The following KCNG3 variants were observed in gnomAD, a reference collection of about 807,000 sequenced individuals.
KCNG3 encodes voltage-gated potassium channel regulatory subunit KCNG3.
A neutral mutation model predicts 29.0 loss-of-function variants in KCNG3; 15 were observed. The observed-to-expected ratio is 0.52, with a 90% CI of 0.35 to 0.80. The LOEUF (loss-of-function observed/expected upper bound fraction) is 0.80, where lower values mean the gene tolerates loss of function less well. Ranked by LOEUF, KCNG3 falls within the 30% of genes least tolerant of loss-of-function variation. The pLI is 0.01. For missense variants in KCNG3, 512 were observed against 605.7 expected (o/e 0.85, Z 1.62); for synonymous variants, 322 against 248.9 (o/e 1.29, Z -2.76).
At chr2:42,490,523 C>G (rs1011264861) in intron 1 of KCNG3, among the ~76,000 whole-genome samples, 2 of 152,214 alleles carry the variant, frequency 1.3e-5, no homozygotes, top group East Asian at 1.9e-4. Flanking sequence ...CCTCCACCAC[C>G]CTGAAGGCCT....
chr2:42,396,378 T>C, the KCNG3 span, among the ~76,000 whole-genome samples: 1 of 152,212 alleles, frequency 6.6e-6, no homozygotes, highest in Non-Finnish European at 1.5e-5. Context: ...TTTCTTAATC[T>C]AGGTGTGGGG....
chr2:42,435,246 T>C, the KCNG3 span, among the ~76,000 whole-genome samples: 1,412 of 152,268 alleles, frequency 9.3e-3, 24 homozygotes, highest in African/African-American at 0.032. Flanking sequence ...GAGGTTGCAG[T>C]GAGCCGAGAT....
At chr2:42,418,471 G>C in the KCNG3 span, among the ~76,000 whole-genome samples, 2 of 152,130 alleles carry the variant, frequency 1.3e-5, no homozygotes, top group African/African-American at 2.4e-5. Context: ...GTGGATGCCT[G>C]TTGAGTTCAA....
intron 1 of KCNG3, among the ~76,000 whole-genome samples, chr2:42,474,200 G>A (rs760808867): frequency 6.6e-6 from 1 of 151,430 alleles, no homozygotes; most frequent in Non-Finnish European, 1.5e-5. Flanking sequence ...CTTGCTCTGG[G>A]CGACAGAGCA....
chr2:42,469,413 T>C (rs1438715660), intron 1 of KCNG3, among the ~76,000 whole-genome samples: 8 of 133,172 alleles, frequency 6.0e-5, no homozygotes, highest in African/African-American at 2.4e-4. Flanking sequence ...CAAGACTCTG[T>C]CTCAAAAAAA....
At chr2:42,469,742 T>C (rs1673238513) in intron 1 of KCNG3, 1 of 156,646 alleles carries the variant, frequency 6.4e-6, no homozygotes, top group African/African-American at 2.4e-5. Flanking sequence ...ATCACACTAA[T>C]CATAAAGAAA....
intron 1 of KCNG3, among the ~76,000 whole-genome samples, chr2:42,449,514 C>CT (rs36088470): frequency 0.012 from 1,169 of 99,424 alleles, 9 homozygotes; most frequent in African/African-American, 0.015. Flanking sequence ...ACTGAGATTT[C>CT]TTTTTTTTTT....
At chr2:42,474,645 C>T (rs1414119410) in intron 1 of KCNG3, among the ~76,000 whole-genome samples, 1 of 152,018 alleles carries the variant, frequency 6.6e-6, no homozygotes, top group African/African-American at 2.4e-5. Flanking sequence ...ATTTACATTG[C>T]TACTTCTTCT....
chr2:42,395,026 T>C, the KCNG3 span, among the ~76,000 whole-genome samples: 1 of 152,190 alleles, frequency 6.6e-6, no homozygotes. Context: ...GGACAAATCT[T>C]TCTCAACCAA....
At chr2:42,451,630 T>C (rs1195573841) in intron 1 of KCNG3, among the ~76,000 whole-genome samples, 3 of 151,732 alleles carry the variant, frequency 2.0e-5, no homozygotes, top group Non-Finnish European at 4.4e-5. Flanking sequence ...GAGGCTGAAA[T>C]AGGAGAATCT....
In KCNG3 at chr2:42,443,730, A is replaced by T. The variant is rs1672537593; in HGVS notation, c.*204T>A. On this transcript the variant is annotated 3_prime_UTR_variant, in exon 2 of 2. Transcript: ENST00000306078. ...ACCGGGTCCTAAAGTTTACTCTAGG[A>T]GTCATTATTCTTCCTTTGCAGTCTC... is the stretch of plus-strand genomic sequence containing the variant. 1 of 500,380 alleles carries T rather than the reference A, an allele frequency of 2.0e-6. No homozygotes were observed. The highest frequency in any genetic ancestry group is 3.7e-5 in the Admixed American group (1 of 27,054). 31.0% of individuals were successfully genotyped at this position (500,380 alleles called of 1,614,324 possible). A position where few individuals can be genotyped will look rare whatever the true frequency, so the allele number is the denominator to read the frequency against.
At position 42,493,512 on chromosome 2, in the gene KCNG3, C is replaced by T. The variant is rs1673971694; in HGVS notation, c.-11G>A. The T allele has an allele frequency of 7.4e-7, 1 of 1,356,036 alleles. No individual in the cohort carries two copies. Among genetic ancestry groups the T allele is most frequent in the Non-Finnish European group, 9.4e-7 (1 of 1,061,880 alleles). The allele number at this position is 1,356,036 out of a possible 1,614,324, so 84.0% of individuals were successfully genotyped here. A position where few individuals can be genotyped will look rare whatever the true frequency, so the allele number is the denominator to read the frequency against. On this transcript the variant is annotated 5_prime_UTR_variant, in exon 1 of 2. Coordinates refer to ENST00000306078, the MANE Select transcript of KCNG3 (RefSeq NM_133329.6). ...GCGCCCGAAGGTCATGGCTGGCCGC[C>T]CGGGGGACTTTCGGCCCGAGGGCCC... is the stretch of plus-strand genomic sequence containing the variant.
the KCNG3 span, among the ~76,000 whole-genome samples, chr2:42,403,497 T>TTTTTTA: frequency 3.7e-5 from 5 of 135,024 alleles, no homozygotes; most frequent in Non-Finnish European, 6.3e-5. Context: ...TTTTTTTTTT[T>TTTTTTA]GAGACAGAGT....
At chr2:42,437,039 AT>A (rs769053897), downstream of KCNG3, among the ~76,000 whole-genome samples, 1 of 152,204 alleles carries the variant, frequency 6.6e-6, no homozygotes, top group Non-Finnish European at 1.5e-5. Context: ...TAGGTAAAAT[AT>A]GAAGACATTT....
In KCNG3 at chr2:42,493,069, C is replaced by A. The variant is rs1280251258; in HGVS notation, c.433G>T (p.Ala145Ser). Residue 145 changes from alanine (A) to serine (S), a missense_variant, in exon 1 of 2, where the codon GCC becomes TCC. By Grantham distance (99) the Ala-to-Ser change is moderately conservative. Transcript: ENST00000306078. ...CAGCGCCTGGAGGGAGCCGCCTCGG[C>A]CCCGCCGGGGCGCGCCTCGTCGCGG... The part of the protein sequence containing the change: ...LGRDEARPGG[A>S]EAAPSRRWLE... The A allele has an allele frequency of 1.9e-6, 3 of 1,541,268 alleles. No homozygotes were observed. Among genetic ancestry groups the A allele is most frequent in the Non-Finnish European group, 1.7e-6 (2 of 1,147,946 alleles).
chr2:42,485,712 T>C (rs1237982279), intron 1 of KCNG3, among the ~76,000 whole-genome samples: 1 of 152,178 alleles, frequency 6.6e-6, no homozygotes, highest in Admixed American at 6.5e-5. Flanking sequence ...CCTCCCAAAG[T>C]GCTGGGATTA....
intron 1 of KCNG3, among the ~76,000 whole-genome samples, chr2:42,474,344 G>A (rs559256683): frequency 6.6e-6 from 1 of 151,560 alleles, no homozygotes; most frequent in African/African-American, 2.4e-5. Context: ...CCTGGCCAAC[G>A]TGGTGAAACC....
At chr2:42,475,854 C>G (rs1673411272) in intron 1 of KCNG3, among the ~76,000 whole-genome samples, 1 of 152,090 alleles carries the variant, frequency 6.6e-6, no homozygotes, top group African/African-American at 2.4e-5. Context: ...CACCTGAAGT[C>G]AGGAGTTTCT....
chr2:42,399,603 A>G, the KCNG3 span, among the ~76,000 whole-genome samples: 1 of 152,160 alleles, frequency 6.6e-6, no homozygotes, highest in Non-Finnish European at 1.5e-5. Context: ...TTCAGAAACA[A>G]ACTAGTTCAA....
Sources: gnomAD v4.1 joint callset for allele counts (sites outside exome capture counted in the v4.1 genomes callset) on GRCh38, gnomAD v4.1.1 for gene constraint, MANE v1.5 for transcripts, NCBI Gene and HGNC (gene_info 2026-07-23, HGNC 2026-07-21) for gene names.